MYO15A: variants seen among roughly 807,000 people sequenced by gnomAD.
MYO15A encodes myosin XVA.
MYO15A carries 308 observed loss-of-function variants against 394.6 expected under a neutral mutation model. The observed-to-expected ratio is 0.78, with a 90% CI of 0.71 to 0.86. The LOEUF (loss-of-function observed/expected upper bound fraction) is 0.86, where lower values mean the gene tolerates loss of function less well. MYO15A is among the 40% of genes least tolerant of loss of function. The pLI, the probability that MYO15A is intolerant of heterozygous loss-of-function variation, is 0.00. For missense variants in MYO15A, 4,606 were observed against 4,799.1 expected, an observed-to-expected ratio of 0.96 and a Z score of 1.19; for synonymous variants, 1,957 against 2,003.8, an observed-to-expected ratio of 0.98 and a Z score of 0.62.
chr17:18,165,817 A>G (rs751330301), intron 60 of MYO15A, among the ~76,000 whole-genome samples: 1 of 152,160 alleles, frequency 6.6e-6, no homozygotes, highest in Non-Finnish European at 1.5e-5. Context: ...ATGGGTGGCA[A>G]AAATGTCAGT....
rs1043361603 is a variant in MYO15A at position 18,153,638 on chromosome 17, C to A, written c.7967-137C>A. 2 of 871,120 alleles carry A rather than the reference C, an allele frequency of 2.3e-6. No homozygotes were observed. The highest frequency in any genetic ancestry group is 6.0e-5 in the South Asian group (2 of 33,148). 54.0% of individuals were successfully genotyped at this position (871,120 alleles called of 1,614,324 possible). On this transcript the variant is annotated intron_variant, in intron 42 of 65. Coordinates refer to ENST00000647165, the MANE Select transcript of MYO15A (RefSeq NM_016239.4). The surrounding 1 kb of genome is among the most constrained non-coding windows in gnomAD (Gnocchi z 4.1). ...GCTTGAACCCAGGAGGCGGAGCTTGCAGTGGGCCGAGATTGCGCCACTGCA... is the reference window on the plus strand; with the variant it reads ...GCTTGAACCCAGGAGGCGGAGCTTGAAGTGGGCCGAGATTGCGCCACTGCA...
chr17:18,135,799 A>C lies in MYO15A; in HGVS notation c.4571A>C (p.Gln1524Pro). The change falls in exon 13 of 66, where the codon CAG (glutamine) becomes CCG (proline). Residue 1524 changes from glutamine (Q) to proline (P), a missense_variant. Physicochemically the swap from Gln to Pro is moderately conservative, Grantham distance 76. This residue lies in a region of MYO15A where 2,776 missense variants were observed against 3,109.3 expected (regional missense o/e 0.89). Coordinates refer to ENST00000647165, the MANE Select transcript of MYO15A (RefSeq NM_016239.4). Reference protein sequence around the residue: ...ELLQISPEGLQKAITFKVTET... With the variant: ...ELLQISPEGLPKAITFKVTET... The stretch of plus-strand genomic sequence containing the variant: ...CTGCAGATCTCCCCTGAGGGCCTGC[A>C]GAAGGCCATCACCTTCAAAGTGACC... 2 of 1,614,098 alleles carry C rather than the reference A, an allele frequency of 1.2e-6. No homozygotes were observed. The highest frequency in any genetic ancestry group is 1.7e-6 in the Non-Finnish European group (2 of 1,179,998).
intron 57 of MYO15A, among the ~76,000 whole-genome samples, chr17:18,162,227 A>G (rs1195433598): frequency 6.6e-6 from 1 of 152,166 alleles, no homozygotes; most frequent in Non-Finnish European, 1.5e-5. Flanking sequence ...CCCAGCTGGC[A>G]TGAGCAGAGC....
Position 18,120,964 on chromosome 17 carries a change from G to T in MYO15A, c.2164G>T (p.Val722Leu). ...PAPQASWWAF[V>L]EPPAVSPEVP... ...GCCGCAGGCCAGCTGGTGGGCCTTC[G>T]TGGAGCCCCCTGCCGTGAGCCCGGA... The change falls in exon 2 of 66, where the codon GTG becomes TTG. Residue 722 changes from valine to leucine, a missense_variant. This residue lies in a region of MYO15A where 1,830 missense variants were observed against 1,689.7 expected (regional missense o/e 1.08). Transcript: ENST00000647165. The T allele has an allele frequency of 1.3e-6, 2 of 1,486,338 alleles. No homozygotes were observed. Among genetic ancestry groups the T allele is most frequent in the Middle Eastern group, 2.1e-4 (1 of 4,816 alleles). 92.1% of individuals were successfully genotyped at this position (1,486,338 alleles called of 1,614,324 possible). A position where few individuals can be genotyped will look rare whatever the true frequency, so the allele number is the denominator to read the frequency against.
Position 18,145,911 on chromosome 17 carries a change from C to G in MYO15A, c.6313C>G (p.Arg2105Gly), listed in dbSNP as rs752036415. Residue 2105 changes from arginine (R) to glycine (G), a missense_variant, in exon 30 of 66, where the codon CGG becomes GGG. Coordinates refer to ENST00000647165, the MANE Select transcript of MYO15A (RefSeq NM_016239.4). ...FMGDPHLHGA[R>G]ENIFGNYIVQ... ...GGGCGACCCCCACCTGCATGGTGCCCGGGAGAACATCTTCGGGAACTACAT... is the reference window on the plus strand; with the variant it reads ...GGGCGACCCCCACCTGCATGGTGCCGGGGAGAACATCTTCGGGAACTACAT... 5.0e-6 allele frequency: 8 copies of G among 1,613,448 alleles called. No homozygotes were observed. The highest frequency in any genetic ancestry group is 6.8e-6 in the Non-Finnish European group (8 of 1,180,008).
chr17:18,155,452 TG>T lies in MYO15A; in HGVS notation c.8459+24del. ...ATACAGGTGACCAGCAGGGGTGAAG[TG>T]GGGCTGGCTGGAGACTGGGATACAG... On this transcript the variant is annotated intron_variant, in intron 47 of 65. Coordinates refer to ENST00000647165, the MANE Select transcript of MYO15A (RefSeq NM_016239.4). 1 of 1,597,396 alleles carries T rather than the reference TG, an allele frequency of 6.3e-7. No individual in the cohort carries two copies. The highest frequency in any genetic ancestry group is 8.6e-7 in the Non-Finnish European group (1 of 1,167,298).
At chr17:18,144,183 T>G (rs2046435114) in intron 28 of MYO15A, among the ~76,000 whole-genome samples, 183 bp downstream of exon 28, 1 of 152,222 alleles carries the variant, frequency 6.6e-6, no homozygotes, top group Non-Finnish European at 1.5e-5. Context: ...TGGAGAGCCC[T>G]CAGGGGCTCG....
intron 35 of MYO15A, 94 bp downstream of exon 35, chr17:18,149,674 A>C: frequency 2.1e-5 from 28 of 1,314,186 alleles, no homozygotes; most frequent in Non-Finnish European, 2.6e-5. Flanking sequence ...AGAGCTTCTC[A>C]CAGCCAGGGT....
At chr17:18,149,131 ACT>A in intron 33 of MYO15A, 83 bp from the exon 34 acceptor site, 2 of 1,562,312 alleles carry the variant, frequency 1.3e-6, no homozygotes, top group African/African-American at 2.7e-5. Flanking sequence ...GGAGAAAGCC[ACT>A]GAATACCAGG....
intron 39 of MYO15A, 40 bp downstream of exon 39, chr17:18,151,330 G>A (rs921224332): frequency 3.1e-6 from 5 of 1,614,086 alleles, no homozygotes; most frequent in Non-Finnish European, 4.2e-6. Context: ...TCCCAGGACA[G>A]GCCTGGTGGT....
At position 18,150,087 on chromosome 17, in the gene MYO15A, G is replaced by C. The variant is rs151240320; in HGVS notation, c.7213-342G>C. On this transcript the variant is annotated intron_variant, in intron 35 of 65. Transcript: ENST00000647165. The surrounding 1 kb of genome is among the most constrained non-coding windows in gnomAD (Gnocchi z 4.4). Reference sequence around the variant, plus strand: ...CGGGTCTTCTAGCCCCAGATCTCACGAGACCCCTCAGGTACCCTTACTCAC... The same window carrying C: ...CGGGTCTTCTAGCCCCAGATCTCACCAGACCCCTCAGGTACCCTTACTCAC... The C allele has an allele frequency of 2.6e-6, 1 of 380,890 alleles. No individual in the cohort carries two copies. Among genetic ancestry groups the C allele is most frequent in the Admixed American group, 3.9e-5 (1 of 25,708 alleles). The allele number at this position is 380,890 out of a possible 1,614,324, so 23.6% of individuals were successfully genotyped here. A position where few individuals can be genotyped will look rare whatever the true frequency, so the allele number is the denominator to read the frequency against.
intron 60 of MYO15A, chr17:18,164,214 C>G (rs899694604): frequency 1.5e-5 from 5 of 324,098 alleles, no homozygotes; most frequent in African/African-American, 1.1e-4. Flanking sequence ...TCTTTCCTGC[C>G]TTTCATGCCT....
At chr17:18,165,477 C>T (rs1312933885) in intron 60 of MYO15A, among the ~76,000 whole-genome samples, 1 of 152,208 alleles carries the variant, frequency 6.6e-6, no homozygotes, top group African/African-American at 2.4e-5. Context: ...ATCTCTCTCC[C>T]TGCCAGCCTC....
rs1320258444 is a variant in MYO15A, at chr17:18,148,374, A to G, written c.6692-122A>G. The G allele has an allele frequency of 6.9e-7, 1 of 1,459,456 alleles. No individual in the cohort carries two copies. Among genetic ancestry groups the G allele is most frequent in the Non-Finnish European group, 9.4e-7 (1 of 1,069,486 alleles). The allele number at this position is 1,459,456 out of a possible 1,614,324, so 90.4% of individuals were successfully genotyped here. A position where few individuals can be genotyped will look rare whatever the true frequency, so the allele number is the denominator to read the frequency against. ...TGTGGGGGTGGGACCTGGCCCAGGA[A>G]AGGGGAGCCAGGGAAGTGAGGCTAC... is the stretch of plus-strand genomic sequence containing the variant. On this transcript the variant is annotated intron_variant, in intron 31 of 65. Coordinates refer to ENST00000647165, the MANE Select transcript of MYO15A (RefSeq NM_016239.4). The surrounding 1 kb of genome is among the most constrained non-coding windows in gnomAD (Gnocchi z 4.8).
In MYO15A at chr17:18,155,068, G is replaced by C. The variant is rs781053490; in HGVS notation, c.8225-42G>C. On this transcript the variant is annotated intron_variant, in intron 45 of 65. Transcript: ENST00000647165. ...ACATCCCCGAGATGGGGGTTGCCAG[G>C]GGAGTGGGGAGAGGGTCCTGACCAG... 7 of 1,577,802 alleles carry C rather than the reference G, an allele frequency of 4.4e-6. 1 individual carries two copies. The South Asian group carries it at 7.9e-5, about 18-fold the overall frequency.
At chr17:18,142,957 C>A in intron 25 of MYO15A, 117 bp downstream of exon 25, 1 of 867,616 alleles carries the variant, frequency 1.2e-6, no homozygotes, top group Non-Finnish European at 1.9e-6. Flanking sequence ...CTGCCTCTGC[C>A]ACCCACTAGC....
chr17:18,165,906 A>G (rs1005806879), intron 60 of MYO15A, among the ~76,000 whole-genome samples: 1 of 152,160 alleles, frequency 6.6e-6, no homozygotes, highest in Non-Finnish European at 1.5e-5. Flanking sequence ...GTACCTGGCA[A>G]GGGGTCTCTC....
At chr17:18,138,366 G>A (rs1042037560) in intron 17 of MYO15A, 120 bp downstream of exon 17, 10 of 1,293,840 alleles carry the variant, frequency 7.7e-6, no homozygotes, top group Admixed American at 3.9e-5. Flanking sequence ...GTGGGGGGTT[G>A]GGACACCCGA....
chr17:18,175,873 T>TC (rs1401453579), intron 65 of MYO15A, among the ~76,000 whole-genome samples: 1 of 150,800 alleles, frequency 6.6e-6, no homozygotes, highest in Non-Finnish European at 1.5e-5. Context: ...CTCTCCCACC[T>TC]CCCCCATCTC....
Sources: allele counts gnomAD v4.1 joint callset (sites outside exome capture counted in the v4.1 genomes callset), GRCh38; gene constraint gnomAD v4.1.1; regional missense constraint gnomAD v4.1.1; non-coding constraint Gnocchi (gnomAD v3.1); transcripts MANE v1.5; gene names NCBI Gene and HGNC (gene_info 2026-07-23, HGNC 2026-07-21).